The following CCDC102B variants were observed in gnomAD, a reference collection of about 807,000 sequenced individuals.
CCDC102B encodes the protein coiled-coil domain containing 102B.
In CCDC102B, 75 loss-of-function variants were observed where a neutral mutation model predicts 57.4. The ratio of observed to expected loss-of-function variants is 1.31; its 90% CI spans 1.08 to 1.58. CCDC102B has a LOEUF of 1.58. Ranked by LOEUF, CCDC102B falls within the 40% of genes most tolerant of loss-of-function variation. The pLI is 0.00. For synonymous variants in CCDC102B, 206 were observed against 201.9 expected (o/e 1.02, Z -0.17); for missense variants, 636 against 582.6 (o/e 1.09, Z -0.94).
intron 5 of CCDC102B, among the ~76,000 whole-genome samples, chr18:68,887,813 C>A (rs922870893): frequency 6.6e-6 from 1 of 152,142 alleles, no homozygotes; most frequent in East Asian, 1.9e-4. Context: ...AGTGGAAAAA[C>A]ATGTTTTATC....
At chr18:68,933,307 T>A (rs112279147) in intron 6 of CCDC102B, among the ~76,000 whole-genome samples, 1,967 of 152,024 alleles carry the variant, frequency 0.013, 45 homozygotes, top group African/African-American at 0.043. Context: ...CCCATGTTTC[T>A]TTTTGCTATT....
At chr18:69,014,591 A>G (rs1185789838) in intron 7 of CCDC102B, among the ~76,000 whole-genome samples, 2 of 150,602 alleles carry the variant, frequency 1.3e-5, no homozygotes, top group African/African-American at 4.9e-5. Flanking sequence ...TTGGGCAAGC[A>G]TGTGTGTGTG....
chr18:68,721,103 C>T (rs547022574), intron 2 of CCDC102B: 1 of 152,310 alleles, frequency 6.6e-6, no homozygotes, highest in South Asian at 2.1e-4. Context: ...TGAGATTGCT[C>T]TTTCAGCCCA....
chr18:68,728,259 C>A lies in CCDC102B; in HGVS notation c.-67+11665C>A, dbSNP rs1478422031. Among the ~76,000 whole-genome samples, 4 of 152,168 alleles carry A rather than the reference C, an allele frequency of 2.6e-5. 1 individual carries two copies. The highest frequency in any genetic ancestry group is 5.9e-5 in the Non-Finnish European group (4 of 68,020). On this transcript the variant is annotated intron_variant, in intron 2 of 3. Coordinates refer to the CCDC102B transcript ENST00000578970. ...TTTGAAGTCATTTCTGAGAAGTAAT[C>A]CCAGGGAAGAAAGTCTAACATATAA...
intron 1 of CCDC102B, among the ~76,000 whole-genome samples, chr18:68,818,371 T>C (rs2036570763): frequency 6.6e-6 from 1 of 152,224 alleles, no homozygotes; most frequent in Admixed American, 6.5e-5. Context: ...ATTGGCTGCT[T>C]TCTGATTAGT....
chr18:68,975,019 T>C (rs1424445864), intron 6 of CCDC102B, among the ~76,000 whole-genome samples: 5 of 152,006 alleles, frequency 3.3e-5, no homozygotes, highest in African/African-American at 1.2e-4. Flanking sequence ...TTCTAAATGC[T>C]ACAAGAAATC....
chr18:68,829,574 C>T (rs1424098981), intron 1 of CCDC102B, among the ~76,000 whole-genome samples: 1 of 151,996 alleles, frequency 6.6e-6, no homozygotes, highest in Non-Finnish European at 1.5e-5. Flanking sequence ...TCTGAGAAAA[C>T]TTTCCAGTCA....
intron 7 of CCDC102B, among the ~76,000 whole-genome samples, chr18:69,047,352 A>AC (rs1869994008): frequency 1.3e-5 from 2 of 152,144 alleles, no homozygotes; most frequent in African/African-American, 4.8e-5. Flanking sequence ...CCTTCATCTT[A>AC]AAAACCCTCA....
At chr18:68,914,974 G>GGAGA (rs59012789) in intron 6 of CCDC102B, among the ~76,000 whole-genome samples, 3,663 of 147,480 alleles carry the variant, frequency 0.025, 71 homozygotes, top group East Asian at 0.098. Context: ...ACTACTGGGG[G>GGAGA]GAGAGAGAGA....
intron 6 of CCDC102B, among the ~76,000 whole-genome samples, chr18:68,912,718 A>T (rs2145079729): frequency 6.6e-6 from 1 of 152,342 alleles, no homozygotes; most frequent in Non-Finnish European, 1.5e-5. Context: ...AAAGAAAAAG[A>T]ATGAAGCCCT....
intron 1 of CCDC102B, among the ~76,000 whole-genome samples, chr18:68,802,024 A>G (rs1197883332): frequency 1.3e-5 from 2 of 152,214 alleles, no homozygotes; most frequent in Non-Finnish European, 2.9e-5. Flanking sequence ...AAACATGAAA[A>G]TTATAAGGTG....
intron 2 of CCDC102B, among the ~76,000 whole-genome samples, chr18:68,837,879 C>T (rs148803115): frequency 2.2e-4 from 34 of 152,136 alleles, no homozygotes; most frequent in African/African-American, 6.5e-4. Context: ...TATTGCTTGT[C>T]AAAATATTAT....
chr18:68,808,295 A>T (rs2036105251), intron 1 of CCDC102B, among the ~76,000 whole-genome samples: 1 of 152,030 alleles, frequency 6.6e-6, no homozygotes, highest in Non-Finnish European at 1.5e-5. Context: ...TAATTCTACA[A>T]ATCAGATTAC....
At chr18:68,851,164 C>T (rs1445015842) in intron 4 of CCDC102B, among the ~76,000 whole-genome samples, 1 of 152,170 alleles carries the variant, frequency 6.6e-6, no homozygotes, top group African/African-American at 2.4e-5. Flanking sequence ...CTCTTAATAG[C>T]TATAAATGCT....
chr18:68,790,079 A>G lies in CCDC102B; in HGVS notation c.-66-33287A>G, dbSNP rs559581452. Among the ~76,000 whole-genome samples the G allele has an allele frequency of 5.6e-3, 802 of 143,852 alleles. 25 individuals are homozygous for G. The highest frequency in any genetic ancestry group is 0.016 in the African/African-American group (575 of 36,064). The allele number at this position is 143,852 out of a possible 152,430, so 94.4% of individuals were successfully genotyped here. On this transcript the variant is annotated intron_variant, in intron 2 of 3. Coordinates refer to the CCDC102B transcript ENST00000578970. ...GACCCTCAGCTGCAGGTCTGTTGGA[A>G]TACCCTGCCATGTGAGGTGTCAGTC...
chr18:68,956,060 G>T (rs948845540), intron 6 of CCDC102B, among the ~76,000 whole-genome samples: 1 of 151,368 alleles, frequency 6.6e-6, no homozygotes, highest in Non-Finnish European at 1.5e-5. Context: ...TTGAGAACCT[G>T]CAAAGTTTGT....
intron 7 of CCDC102B, among the ~76,000 whole-genome samples, chr18:69,045,613 T>C (rs1047359089): frequency 6.6e-6 from 1 of 152,154 alleles, no homozygotes; most frequent in African/African-American, 2.4e-5. Flanking sequence ...TTACTTTTAT[T>C]TTAGGTTTAA....
In CCDC102B at chr18:68,956,416, T is replaced by A. The variant is rs575846143; in HGVS notation, c.1264-54518T>A. On this transcript the variant is annotated intron_variant, in intron 6 of 7. Coordinates refer to ENST00000360242, the MANE Select transcript of CCDC102B (RefSeq NM_024781.3). ...TATATATAAATATATTTTATATATA[T>A]TATATATATTATACATTTTATATAT... is the stretch of plus-strand genomic sequence containing the variant. Among the ~76,000 whole-genome samples, 19 of 68,334 alleles carry A rather than the reference T, an allele frequency of 2.8e-4. 2 individuals carry two copies. Among genetic ancestry groups the A allele is most frequent in the South Asian group, 2.1e-3 (5 of 2,344 alleles). The allele number at this position is 68,334 out of a possible 152,430, so 44.8% of individuals were successfully genotyped here.
intron 7 of CCDC102B, among the ~76,000 whole-genome samples, chr18:69,019,203 T>C (rs111334677): frequency 6.6e-6 from 1 of 152,160 alleles, no homozygotes; most frequent in Non-Finnish European, 1.5e-5. Context: ...ATCTTTTATG[T>C]TTCCAAATGT....
Sources: gnomAD v4.1 joint callset for allele counts (sites outside exome capture counted in the v4.1 genomes callset) on GRCh38, gnomAD v4.1.1 for gene constraint, MANE v1.5 for transcripts, NCBI Gene and HGNC (gene_info 2026-07-23, HGNC 2026-07-21) for gene names.